The following NEK1 variants were observed in gnomAD, a reference collection of about 807,000 sequenced individuals.
The protein encoded by NEK1 is serine/threonine-protein kinase Nek1.
Under a neutral mutation model 182.1 loss-of-function variants are expected in NEK1, and 137 were observed. The ratio of observed to expected loss-of-function variants is 0.75; its 90% CI spans 0.65 to 0.87. NEK1 has a LOEUF of 0.87. Ranked by LOEUF, NEK1 falls within the 40% of genes least tolerant of loss-of-function variation. NEK1 has a pLI of 0.00. For missense variants in NEK1, 1,391 were observed against 1,494.4 expected, an observed-to-expected ratio of 0.93 and a Z score of 1.14; for synonymous variants, 513 against 492.2, an observed-to-expected ratio of 1.04 and a Z score of -0.56.
At chr4:169,531,514 G>A (rs1757675237) in intron 19 of NEK1, among the ~76,000 whole-genome samples, 1 of 151,304 alleles carries the variant, frequency 6.6e-6, no homozygotes, top group Non-Finnish European at 1.5e-5. Flanking sequence ...ATATATGTAT[G>A]TGTATATGCT....
At chr4:169,433,782 A>T in intron 28 of NEK1, 117 bp from the exon 29 acceptor site, 1 of 967,528 alleles carries the variant, frequency 1.0e-6, no homozygotes, top group Non-Finnish European at 1.5e-6. Flanking sequence ...TCATTAAAAC[A>T]GAAAAATTAA....
At chr4:169,427,900 C>T (rs1736679452) in intron 29 of NEK1, among the ~76,000 whole-genome samples, 1 of 152,084 alleles carries the variant, frequency 6.6e-6, no homozygotes. Flanking sequence ...GCTCACCTCA[C>T]TGCAGCCTTG....
intron 2 of NEK1, among the ~76,000 whole-genome samples, chr4:169,607,824 G>C (rs1771633703): frequency 6.6e-6 from 1 of 151,976 alleles, no homozygotes; most frequent in South Asian, 2.1e-4. Context: ...CTGAAATTAA[G>C]AACTCATTCA....
At chr4:169,423,906 T>C (rs191164488) in intron 31 of NEK1, among the ~76,000 whole-genome samples, 162 of 152,316 alleles carry the variant, frequency 1.1e-3, no homozygotes, top group African/African-American at 3.7e-3. Context: ...ATTGTAATAA[T>C]GGCATTTGCA....
chr4:169,435,385 G>T (rs913752791), intron 28 of NEK1, among the ~76,000 whole-genome samples: 6 of 152,066 alleles, frequency 3.9e-5, no homozygotes, highest in Non-Finnish European at 7.4e-5. Context: ...TGATTTTTTT[G>T]GGGGGTAGGG....
intron 12 of NEK1, among the ~76,000 whole-genome samples, chr4:169,570,056 T>A (rs1171162827): frequency 6.9e-6 from 1 of 145,472 alleles, no homozygotes; most frequent in Non-Finnish European, 1.5e-5. Flanking sequence ...GGAGCGCCTC[T>A]TCCCGGCCGC....
At chr4:169,415,089 T>C (rs1414600795) in intron 31 of NEK1, among the ~76,000 whole-genome samples, 1 of 152,214 alleles carries the variant, frequency 6.6e-6, no homozygotes. Context: ...GAATAATCTA[T>C]TAAAAGCTAT....
intron 23 of NEK1, among the ~76,000 whole-genome samples, chr4:169,499,076 C>T (rs1751923168): frequency 6.6e-6 from 1 of 152,120 alleles, no homozygotes; most frequent in African/African-American, 2.4e-5. Flanking sequence ...TCACATAGTC[C>T]CATAATTCTT....
At chr4:169,599,051 C>G in intron 5 of NEK1, 49 bp downstream of exon 5, 2 of 1,418,942 alleles carry the variant, frequency 1.4e-6, no homozygotes, top group East Asian at 4.6e-5. Flanking sequence ...AAATTTTGAA[C>G]TACTTCTCAA....
At position 169,434,192 on chromosome 4, in the gene NEK1, C is replaced by T. The variant is rs749568973; in HGVS notation, c.2765-527G>A. Among the ~76,000 whole-genome samples the T allele has an allele frequency of 1.3e-3, 191 of 145,416 alleles. 1 individual carries two copies. The highest frequency in any genetic ancestry group is 3.7e-3 in the African/African-American group (145 of 39,176). On this transcript the variant is annotated intron_variant, in intron 28 of 35. Transcript: ENST00000507142. ...GGCACTAAAAATCTATTTTCTTAGA[C>T]ACTCAAATAGTTTTTTTTTTTTTTT...
chr4:169,437,811 G>A (rs952834638), intron 28 of NEK1, among the ~76,000 whole-genome samples: 5 of 152,080 alleles, frequency 3.3e-5, no homozygotes, highest in Admixed American at 1.3e-4. Context: ...AAAGGCACAC[G>A]AATTAGGAAA....
intron 27 of NEK1, among the ~76,000 whole-genome samples, chr4:169,442,404 C>T (rs765590742): frequency 5.9e-5 from 9 of 152,036 alleles, no homozygotes; most frequent in Non-Finnish European, 1.3e-4. Context: ...AGCCAAAACA[C>T]CCTACTCAAC....
chr4:169,500,875 A>C (rs2149666525), intron 23 of NEK1, among the ~76,000 whole-genome samples: 1 of 152,344 alleles, frequency 6.6e-6, no homozygotes, highest in South Asian at 2.1e-4. Flanking sequence ...AGCAATAGTT[A>C]ACACTAAGAG....
intron 19 of NEK1, among the ~76,000 whole-genome samples, chr4:169,535,197 C>T (rs928032559): frequency 1.3e-5 from 2 of 151,946 alleles, no homozygotes; most frequent in East Asian, 3.9e-4. Context: ...GTGGCACATG[C>T]CTGTAATCCC....
intron 18 of NEK1, among the ~76,000 whole-genome samples, chr4:169,543,918 G>A (rs1003513972): frequency 1.3e-5 from 2 of 152,198 alleles, no homozygotes; most frequent in African/African-American, 4.8e-5. Context: ...TACAATCCAT[G>A]TTATCTGCAA....
chr4:169,555,557 TC>T (rs1279782592), intron 18 of NEK1, 162 bp downstream of exon 18: 3 of 805,656 alleles, frequency 3.7e-6, no homozygotes, highest in Admixed American at 2.1e-5. Flanking sequence ...TTCAGAGTAA[TC>T]AAGGGCCAAA....
chr4:169,482,113 C>T (rs961957475), intron 23 of NEK1, among the ~76,000 whole-genome samples: 1 of 152,128 alleles, frequency 6.6e-6, no homozygotes, highest in African/African-American at 2.4e-5. Context: ...CTCTGCTAGC[C>T]AACAATTTTT....
intron 31 of NEK1, among the ~76,000 whole-genome samples, chr4:169,421,885 C>T (rs901383704): frequency 6.6e-5 from 10 of 152,160 alleles, no homozygotes; most frequent in African/African-American, 1.2e-4. Context: ...GACTTGAACA[C>T]TATCAACCAA....
chr4:169,548,483 A>C (rs963717091), intron 18 of NEK1, among the ~76,000 whole-genome samples: 10 of 152,232 alleles, frequency 6.6e-5, no homozygotes, highest in Non-Finnish European at 1.3e-4. Flanking sequence ...CCCTTATCAG[A>C]GCTCAAACTC....
Sources: allele counts gnomAD v4.1 joint callset (sites outside exome capture counted in the v4.1 genomes callset), GRCh38; gene constraint gnomAD v4.1.1; transcripts MANE v1.5; gene names NCBI Gene and HGNC (gene_info 2026-07-23, HGNC 2026-07-21).